COL4A6: variants seen among roughly 807,000 people sequenced by gnomAD.
COL4A6 encodes the protein collagen type IV alpha 6 chain.
A neutral mutation model predicts 126.7 loss-of-function variants in COL4A6; 59 were observed. That is an observed-to-expected ratio of 0.47 (90% CI 0.38 to 0.58). COL4A6 has a LOEUF of 0.58. Ranked by LOEUF, COL4A6 falls within the 20% of genes least tolerant of loss-of-function variation. The pLI is 0.00. For missense variants in COL4A6, 1,285 were observed against 1,337.3 expected (o/e 0.96, Z 0.61); for synonymous variants, 547 against 496.6 (o/e 1.10, Z -1.35).
rs180842214 is a variant in COL4A6, at chrX:108,388,436, A to G, written c.63+49506T>C. ...CAGGGATTTGACTTCTTCCTGGTTT[A>G]GTCTTGGGAGGGTGTATGTGTCCAG... On this transcript the variant is annotated intron_variant, in intron 2 of 44. Coordinates refer to ENST00000334504, the MANE Select transcript of COL4A6 (RefSeq NM_033641.4). Among the ~76,000 whole-genome samples the G allele has an allele frequency of 2.7e-5, 3 of 111,803 alleles. No homozygotes were observed. The Admixed American group carries it at 2.8e-4, about 11-fold the overall frequency.
At chrX:108,253,354 T>C (rs1433011640) in intron 3 of COL4A6, among the ~76,000 whole-genome samples, 1 of 112,259 alleles carries the variant, frequency 8.9e-6, no homozygotes, top group Non-Finnish European at 1.9e-5. Flanking sequence ...ATAAATCTGA[T>C]CTTAACCCAT....
At chrX:108,375,499 T>G (rs1281816750) in intron 2 of COL4A6, among the ~76,000 whole-genome samples, 1 of 111,150 alleles carries the variant, frequency 9.0e-6, no homozygotes, top group African/African-American at 3.3e-5. Context: ...TTGTTTTTAA[T>G]ACTCTTTTTG....
chrX:108,412,503 T>TA (rs1181192928), intron 2 of COL4A6, among the ~76,000 whole-genome samples: 1 of 111,705 alleles, frequency 9.0e-6, no homozygotes, highest in African/African-American at 3.3e-5. Flanking sequence ...AGGTGAGAGG[T>TA]AAGGATGCAT....
At chrX:108,165,193 C>A (rs2034089777) in intron 38 of COL4A6, among the ~76,000 whole-genome samples, 155 bp from the exon 39 acceptor site, 1 of 112,212 alleles carries the variant, frequency 8.9e-6, no homozygotes, top group Non-Finnish European at 1.9e-5. Context: ...TTTCCCAAAC[C>A]ATTTTAGCAA....
chrX:108,390,058 T>A (rs1308002965), intron 2 of COL4A6, among the ~76,000 whole-genome samples: 1 of 112,077 alleles, frequency 8.9e-6, no homozygotes, highest in African/African-American at 3.2e-5. Flanking sequence ...ATATTGGCCT[T>A]CACTTTCTTC....
intron 2 of COL4A6, among the ~76,000 whole-genome samples, chrX:108,393,419 G>A (rs1391870972): frequency 4.5e-5 from 5 of 112,023 alleles, no homozygotes. Flanking sequence ...TATATGAAAT[G>A]CTCAGAATAG....
chrX:108,191,408 G>C lies in COL4A6; in HGVS notation c.1306C>G (p.Pro436Ala). The change falls in exon 19 of 45, where the codon CCA becomes GCA. Residue 436 changes from proline to alanine, a missense_variant. Transcript: ENST00000334504. The stretch of plus-strand genomic sequence containing the variant: ...AGTAACTTACTAGGTGGGCCTGGTG[G>C]ACCTGGTGGGCCTGGCAAACCATCT... ...GRDGLPGPPGPPGPPSPEFET... is the reference protein window; with the variant it reads ...GRDGLPGPPGAPGPPSPEFET... 1 of 1,210,133 alleles carries C rather than the reference G, an allele frequency of 8.3e-7. No homozygotes were observed. The highest frequency in any genetic ancestry group is 1.7e-5 in the African/African-American group (1 of 57,666).
rs139988853 is a variant in COL4A6 at position 108,180,933 on chromosome X, C to A, written c.1987G>T (p.Gly663Cys). The A allele has an allele frequency of 1.7e-6, 2 of 1,211,012 alleles. No homozygotes were observed. The highest frequency in any genetic ancestry group is 2.2e-6 in the Non-Finnish European group (2 of 894,846). Reference protein sequence around the residue: ...TLPCIIPGSYGPSGFPGTPGF... With the variant: ...TLPCIIPGSYCPSGFPGTPGF... ...GGAGTGCCTGGAAATCCTGATGGACCGTATGACCCAGGAATAATACAGGGC... is the reference window on the plus strand; with the variant it reads ...GGAGTGCCTGGAAATCCTGATGGACAGTATGACCCAGGAATAATACAGGGC... The change falls in exon 24 of 45, where the codon GGT (glycine) becomes TGT (cysteine). Residue 663 changes from glycine to cysteine, a missense_variant. Gly to Cys is a radical substitution (Grantham distance 159, BLOSUM62 -3). Transcript: ENST00000334504.
At chrX:108,312,228 T>C (rs1337475317) in intron 2 of COL4A6, among the ~76,000 whole-genome samples, 1 of 112,234 alleles carries the variant, frequency 8.9e-6, no homozygotes, top group Non-Finnish European at 1.9e-5. Context: ...CTTTTCCTAA[T>C]TCCTAGAGAG....
chrX:108,421,240 TGA>T (rs1180619472), intron 2 of COL4A6, among the ~76,000 whole-genome samples: 1 of 112,184 alleles, frequency 8.9e-6, no homozygotes, highest in African/African-American at 3.2e-5. Context: ...CACAGTGGTA[TGA>T]GGATTAATTG....
chrX:108,348,793 A>G (rs1166080288), intron 2 of COL4A6, among the ~76,000 whole-genome samples: 3 of 112,063 alleles, frequency 2.7e-5, no homozygotes, highest in Non-Finnish European at 5.6e-5. Flanking sequence ...CTCTAAAAGA[A>G]GAGTTGGCGA....
At chrX:108,206,870 G>A (rs1444906938) in intron 8 of COL4A6, 1 of 379,239 alleles carries the variant, frequency 2.6e-6, no homozygotes, top group African/African-American at 2.6e-5. Flanking sequence ...AAAGGCTAGA[G>A]TTTATATCAT....
chrX:108,191,609 T>C (rs1015488348), intron 18 of COL4A6, 76 bp from the exon 19 acceptor site: 1 of 1,091,394 alleles, frequency 9.2e-7, no homozygotes, highest in Non-Finnish European at 1.2e-6. Context: ...GTGGCATATG[T>C]TGGAAACAAA....
chrX:108,260,893 C>T (rs897988403), intron 3 of COL4A6, among the ~76,000 whole-genome samples: 24 of 109,843 alleles, frequency 2.2e-4, no homozygotes, highest in African/African-American at 7.9e-4. Context: ...AATGACTTGC[C>T]ACCCCTTTCC....
intron 5 of COL4A6, among the ~76,000 whole-genome samples, chrX:108,216,690 A>T (rs758771574): frequency 3.6e-4 from 41 of 112,787 alleles, no homozygotes; most frequent in African/African-American, 1.3e-3. Flanking sequence ...GGGAAACCAC[A>T]GTTCTATATT....
chrX:108,328,547 T>C (rs1895668102), intron 2 of COL4A6, among the ~76,000 whole-genome samples: 1 of 111,690 alleles, frequency 9.0e-6, no homozygotes, highest in South Asian at 3.7e-4. Flanking sequence ...ATCAAAACTG[T>C]GGGAAACTTA....
intron 18 of COL4A6, 29 bp from the exon 19 acceptor site, chrX:108,191,562 T>G (rs1485716733): frequency 1.7e-6 from 2 of 1,193,341 alleles, no homozygotes; most frequent in Non-Finnish European, 2.3e-6. Flanking sequence ...ACACAAATGC[T>G]CATTATATCA....
chrX:108,164,707 G>A lies in COL4A6; in HGVS notation c.3971-9C>T. The A allele has an allele frequency of 8.3e-7, 1 of 1,209,383 alleles. No individual in the cohort carries two copies. Among genetic ancestry groups the A allele is most frequent in the South Asian group, 1.8e-5 (1 of 56,886 alleles). Reference sequence around the variant, plus strand: ...AGGCTCACCTCTCATGCCTGACAAAGCCCAAAGGAAGCAAGTCAGGTCCCG... The same window carrying A: ...AGGCTCACCTCTCATGCCTGACAAAACCCAAAGGAAGCAAGTCAGGTCCCG... On this transcript the variant is annotated splice_polypyrimidine_tract_variant and intron_variant, in intron 39 of 44. Coordinates refer to ENST00000334504, the MANE Select transcript of COL4A6 (RefSeq NM_033641.4).
intron 5 of COL4A6, among the ~76,000 whole-genome samples, chrX:108,215,809 G>A (rs1203618766): frequency 1.8e-5 from 2 of 111,167 alleles, no homozygotes; most frequent in Non-Finnish European, 3.8e-5. Context: ...GTAGCTTTGA[G>A]TTAGTCGTTC....
Sources: allele counts gnomAD v4.1 joint callset (sites outside exome capture counted in the v4.1 genomes callset), GRCh38; gene constraint gnomAD v4.1.1; transcripts MANE v1.5; gene names NCBI Gene and HGNC (gene_info 2026-07-23, HGNC 2026-07-21).